The following PPP1R9A variants were observed in gnomAD, a reference collection of about 807,000 sequenced individuals.
The protein encoded by PPP1R9A is protein phosphatase 1 regulatory subunit 9A.
In PPP1R9A, 59 loss-of-function variants were observed where a neutral mutation model predicts 141.9. The observed-to-expected ratio is 0.42, with a 90% CI of 0.34 to 0.52. The LOEUF (loss-of-function observed/expected upper bound fraction) is 0.52. Ranked by LOEUF, PPP1R9A falls within the 20% of genes least tolerant of loss-of-function variation. PPP1R9A has a pLI of 0.10. For missense variants in PPP1R9A, 1,444 were observed against 1,611.9 expected, an observed-to-expected ratio of 0.90 and a Z score of 1.78; for synonymous variants, 500 against 569.7, an observed-to-expected ratio of 0.88 and a Z score of 1.74.
At chr7:95,021,847 G>A (rs1010219057) in intron 2 of PPP1R9A, among the ~76,000 whole-genome samples, 5 of 152,178 alleles carry the variant, frequency 3.3e-5, no homozygotes, top group African/African-American at 4.8e-5. Flanking sequence ...TTTTGTACCA[G>A]TACCATGCTG....
intron 2 of PPP1R9A, among the ~76,000 whole-genome samples, chr7:95,103,359 C>CTT (rs1819046251): frequency 1.3e-5 from 1 of 76,354 alleles, no homozygotes; most frequent in African/African-American, 5.5e-5. Context: ...TTTTTTTTCA[C>CTT]TTCTTTTTTT....
chr7:95,220,385 T>G (rs575181950), intron 7 of PPP1R9A, among the ~76,000 whole-genome samples: 26 of 152,266 alleles, frequency 1.7e-4, no homozygotes, highest in African/African-American at 6.3e-4. Flanking sequence ...AGGCTATTTT[T>G]GTGATTAGCG....
Position 94,940,141 on chromosome 7 carries a change from A to G in PPP1R9A, c.1395+28633A>G, listed in dbSNP as rs573761244. On this transcript the variant is annotated intron_variant, in intron 2 of 19. Transcript: ENST00000433360. ...GGCTATTATTAATTAAACCCCTATA[A>G]TGTGTCATGCTCTAGGCTAAGTAAC... 5.3e-5 allele frequency among the ~76,000 whole-genome samples: 8 copies of G among 152,180 alleles called. No individual in the cohort carries two copies. In the East Asian group the frequency reaches 1.5e-3, roughly 29 times the overall value.
At chr7:95,065,805 T>G (rs1194138316) in intron 2 of PPP1R9A, among the ~76,000 whole-genome samples, 1 of 152,190 alleles carries the variant, frequency 6.6e-6, no homozygotes, top group Non-Finnish European at 1.5e-5. Flanking sequence ...CTACACAATT[T>G]CAATTTTTTT....
chr7:95,194,902 T>C (rs1335789727), intron 5 of PPP1R9A, among the ~76,000 whole-genome samples: 1 of 152,028 alleles, frequency 6.6e-6, no homozygotes. Context: ...ACAAATTAAT[T>C]TAGAATTCAA....
intron 17 of PPP1R9A, among the ~76,000 whole-genome samples, chr7:95,285,365 T>A (rs2115804414): frequency 6.6e-6 from 1 of 152,346 alleles, no homozygotes; most frequent in East Asian, 1.9e-4. Flanking sequence ...TCTTGAAACA[T>A]TTTCAGTATT....
chr7:95,131,838 A>G (rs1215802768), intron 4 of PPP1R9A, among the ~76,000 whole-genome samples: 1 of 151,926 alleles, frequency 6.6e-6, no homozygotes, highest in Non-Finnish European at 1.5e-5. Context: ...ATGTTTTTCC[A>G]TTTGTTGTTG....
At chr7:94,979,270 T>A (rs1799815580) in intron 2 of PPP1R9A, among the ~76,000 whole-genome samples, 1 of 152,218 alleles carries the variant, frequency 6.6e-6, no homozygotes, top group East Asian at 1.9e-4. Flanking sequence ...CAGATTACAT[T>A]TTTAGTTTTT....
intron 8 of PPP1R9A, among the ~76,000 whole-genome samples, chr7:95,232,073 A>T (rs1206890030): frequency 6.6e-6 from 1 of 152,172 alleles, no homozygotes; most frequent in East Asian, 1.9e-4. Context: ...AGCTGATACC[A>T]CAGAAATAGA....
chr7:95,174,499 C>A (rs1832613304), intron 5 of PPP1R9A, among the ~76,000 whole-genome samples: 1 of 151,970 alleles, frequency 6.6e-6, no homozygotes, highest in African/African-American at 2.4e-5. Flanking sequence ...TAAATTTGAT[C>A]AATTTTAATG....
At chr7:94,988,021 T>C (rs1238741543) in intron 2 of PPP1R9A, among the ~76,000 whole-genome samples, 1 of 152,168 alleles carries the variant, frequency 6.6e-6, no homozygotes, top group Non-Finnish European at 1.5e-5. Flanking sequence ...AAAAAATAGT[T>C]AACACAGTAA....
Position 94,976,344 on chromosome 7 carries a change from C to CTT in PPP1R9A, c.1395+64850_1395+64851dup, listed in dbSNP as rs11400551. On this transcript the variant is annotated intron_variant, in intron 2 of 19. Coordinates refer to ENST00000433360, the MANE Select transcript of PPP1R9A (RefSeq NM_001166160.2). ...TCTGTTATATTTAACATGTTTTATT[C>CTT]TTTTTTTTTTTTTTTGAGATGAAGT... is the stretch of plus-strand genomic sequence containing the variant. Among the ~76,000 whole-genome samples the CTT allele has an allele frequency of 1.2e-3, 166 of 137,104 alleles. 1 individual carries two copies. The highest frequency in any genetic ancestry group is 1.5e-3 in the Non-Finnish European group (99 of 64,636). 89.9% of individuals were successfully genotyped at this position (137,104 alleles called of 152,430 possible). A position where few individuals can be genotyped will look rare whatever the true frequency, so the allele number is the denominator to read the frequency against.
At chr7:95,133,976 C>G (rs1825159544) in intron 4 of PPP1R9A, among the ~76,000 whole-genome samples, 1 of 152,156 alleles carries the variant, frequency 6.6e-6, no homozygotes, top group East Asian at 1.9e-4. Flanking sequence ...AGCCACAACA[C>G]TCGGCCCTAG....
chr7:94,919,622 G>A (rs1308201988), intron 2 of PPP1R9A, among the ~76,000 whole-genome samples: 2 of 151,770 alleles, frequency 1.3e-5, no homozygotes, highest in Non-Finnish European at 2.9e-5. Flanking sequence ...AATTGTTCAC[G>A]GACAGCTTCA....
chr7:94,951,528 A>G (rs1369700789), intron 2 of PPP1R9A, among the ~76,000 whole-genome samples: 1 of 152,128 alleles, frequency 6.6e-6, no homozygotes, highest in Non-Finnish European at 1.5e-5. Context: ...AATGATATTA[A>G]TAGGTACTTT....
chr7:95,252,127 C>G lies in PPP1R9A; in HGVS notation c.2662C>G (p.Gln888Glu). The G allele has an allele frequency of 6.3e-7, 1 of 1,584,672 alleles. No individual in the cohort carries two copies. The highest frequency in any genetic ancestry group is 1.2e-5 in the South Asian group (1 of 84,202). ...GACATCTTGCCAAGATGGCCTAAGTCAAGGTTTGTTTAACCCAACCACAAA... is the reference window on the plus strand; with the variant it reads ...GACATCTTGCCAAGATGGCCTAAGTGAAGGTTTGTTTAACCCAACCACAAA... ...KQTSCQDGLS[Q>E]DLNEAVPETE... The change falls in exon 12 of 20, where the codon CAA (glutamine) becomes GAA (glutamate). Residue 888 changes from glutamine to glutamate, a missense_variant. Around this residue, in one of 5 missense-constraint regions of PPP1R9A, gnomAD observed 488 missense variants for 542.0 expected, o/e 0.90. Transcript: ENST00000433360.
At position 94,910,797 on chromosome 7, in the gene PPP1R9A, C is replaced by T. The variant is rs1473499871; in HGVS notation, c.684C>T (p.Tyr228=). ...CTGAGAAGGCTGAAAACAATGAATA[C>T]TCAGTGACTGGGCATTATCCCTTGA... ...IISEKAENNE[Y]SVTGHYPLNL... Residue 228 remains tyrosine, a synonymous_variant, in exon 2 of 20, where the codon TAC becomes TAT. Transcript: ENST00000433360. The surrounding 1 kb of genome is among the most constrained non-coding windows in gnomAD (Gnocchi z 4.5). 3 of 1,613,992 alleles carry T rather than the reference C, an allele frequency of 1.9e-6. No individual in the cohort carries two copies. The Admixed American group carries it at 5.0e-5, about 27-fold the overall frequency.
chr7:95,294,330 G>A lies in PPP1R9A; in HGVS notation c.*4027G>A, dbSNP rs1806796679. 7.5e-6 allele frequency: 1 copy of A among 133,138 alleles called. No individual in the cohort carries two copies. Among genetic ancestry groups the A allele is most frequent in the Admixed American group, 8.7e-5 (1 of 11,540 alleles). 8.2% of individuals were successfully genotyped at this position (133,138 alleles called of 1,614,324 possible). On this transcript the variant is annotated 3_prime_UTR_variant, in exon 20 of 20. Coordinates refer to ENST00000433360, the MANE Select transcript of PPP1R9A (RefSeq NM_001166160.2). ...GTCACCCAGACTGGACTGCAGTGGT[G>A]CCATCATGTCTTACTGCAGCCTCAA...
At chr7:95,092,365 TAAAGACTA>T (rs1817477868) in intron 2 of PPP1R9A, among the ~76,000 whole-genome samples, 1 of 147,710 alleles carries the variant, frequency 6.8e-6, no homozygotes. Flanking sequence ...TTTTTTTGAT[TAAAGACTA>T]GTTCTCTGTG....
Sources: gnomAD v4.1 joint callset for allele counts (sites outside exome capture counted in the v4.1 genomes callset) on GRCh38, gnomAD v4.1.1 for gene constraint, gnomAD v4.1.1 regional missense constraint, Gnocchi (gnomAD v3.1) non-coding constraint, MANE v1.5 for transcripts, NCBI Gene and HGNC (gene_info 2026-07-23, HGNC 2026-07-21) for gene names.